GRB10: variants seen among roughly 807,000 people sequenced by gnomAD.
GRB10 encodes the protein growth factor receptor-bound protein 10.
GRB10 carries 20 observed loss-of-function variants against 80.9 expected under a neutral mutation model. That is an observed-to-expected ratio of 0.25 (90% CI 0.17 to 0.36). The LOEUF (loss-of-function observed/expected upper bound fraction) is 0.36, where lower values mean the gene tolerates loss of function less well. Ranked by LOEUF, GRB10 falls within the 10% of genes least tolerant of loss-of-function variation. The pLI is 1.00. For synonymous variants in GRB10, 291 were observed against 291.5 expected, an observed-to-expected ratio of 1.00 and a Z score of 0.02; for missense variants, 548 against 747.7, an observed-to-expected ratio of 0.73 and a Z score of 3.12.
chr7:50,734,136 C>T (rs1338724157), intron 3 of GRB10, among the ~76,000 whole-genome samples: 2 of 152,106 alleles, frequency 1.3e-5, no homozygotes, highest in Non-Finnish European at 2.9e-5. Flanking sequence ...CACCCCTAGC[C>T]GTTGAGGTGG....
At chr7:50,710,264 G>T (rs367913619) in intron 4 of GRB10, among the ~76,000 whole-genome samples, 3 of 152,100 alleles carry the variant, frequency 2.0e-5, no homozygotes, top group Admixed American at 6.5e-5. Context: ...CTCACCCCAA[G>T]ATCTTGGGGA....
intron 18 of GRB10, among the ~76,000 whole-genome samples, chr7:50,594,636 A>G (rs2046317479): frequency 6.6e-6 from 1 of 152,248 alleles, no homozygotes; most frequent in Non-Finnish European, 1.5e-5. Context: ...TTATCAATTC[A>G]GCATGTAAAC....
Position 50,645,935 on chromosome 7 carries a change from A to G in GRB10, c.505-18957T>C, listed in dbSNP as rs144576164. ...AAGTCATATGCCTTCCCATCGTATTATAAGTGACATACAGCCCTTGGCATT... is the reference window on the plus strand; with the variant it reads ...AAGTCATATGCCTTCCCATCGTATTGTAAGTGACATACAGCCCTTGGCATT... On this transcript the variant is annotated intron_variant, in intron 7 of 18. Transcript: ENST00000401949. Among the ~76,000 whole-genome samples the G allele has an allele frequency of 6.3e-3, 965 of 152,272 alleles. 6 individuals carry two copies. The highest frequency in any genetic ancestry group is 7.6e-3 in the African/African-American group (317 of 41,546).
At chr7:50,622,379 C>T (rs908107794) in intron 8 of GRB10, among the ~76,000 whole-genome samples, 4 of 152,336 alleles carry the variant, frequency 2.6e-5, no homozygotes, top group African/African-American at 7.2e-5. Context: ...CAGCATCCAA[C>T]AGCGTGGCAG....
chr7:50,616,957 T>C (rs944732341), intron 10 of GRB10, among the ~76,000 whole-genome samples: 2 of 152,358 alleles, frequency 1.3e-5, no homozygotes, highest in African/African-American at 2.4e-5. Context: ...TGGCAGGTCC[T>C]GCTACTAGAC....
rs180904485 is a variant in GRB10 at position 50,689,899 on chromosome 7, A to G, written c.139+13922T>C. On this transcript the variant is annotated intron_variant, in intron 5 of 18. Coordinates refer to ENST00000401949, the MANE Select transcript of GRB10 (RefSeq NM_001350814.2). ...CTTTGGGGATAGAGTTTAAAATTGTATAAGAAAGATAACTCATGCCAAAAT... is the reference window on the plus strand; with the variant it reads ...CTTTGGGGATAGAGTTTAAAATTGTGTAAGAAAGATAACTCATGCCAAAAT... Among the ~76,000 whole-genome samples, 10 of 151,942 alleles carry G rather than the reference A, an allele frequency of 6.6e-5. No homozygotes were observed. The East Asian group carries it at 1.2e-3, about 18-fold the overall frequency.
intron 6 of GRB10, 34 bp from the exon 7 acceptor site, chr7:50,669,897 G>C: frequency 6.3e-7 from 1 of 1,587,280 alleles, no homozygotes; most frequent in South Asian, 1.1e-5. Context: ...GTTAAAAGCT[G>C]CCATTCCCCA....
intron 5 of GRB10, 100 bp downstream of exon 5, chr7:50,703,721 G>A: frequency 1.2e-6 from 1 of 821,172 alleles, no homozygotes; most frequent in Non-Finnish European, 2.1e-6. Context: ...TGTTAGAATT[G>A]TAATCTATTA....
In GRB10 at chr7:50,703,897, C is replaced by T; in HGVS notation, c.63G>A (p.Glu21=). 1 of 1,612,966 alleles carries T rather than the reference C, an allele frequency of 6.2e-7. No homozygotes were observed. Among genetic ancestry groups the T allele is most frequent in the Non-Finnish European group, 8.5e-7 (1 of 1,179,184 alleles). The part of the protein sequence containing the change: ...LHHPYYQDKV[E]QTPRSQQDPA... ...GGTCTTGTTGACTGCGAGGTGTCTGCTCCACCTTGTCCTAAAAAAACAGGA... is the reference window on the plus strand; with the variant it reads ...GGTCTTGTTGACTGCGAGGTGTCTGTTCCACCTTGTCCTAAAAAAACAGGA... The change falls in exon 5 of 19, where the codon GAG becomes GAA. Residue 21 remains glutamate (E), a synonymous_variant. Coordinates refer to ENST00000401949, the MANE Select transcript of GRB10 (RefSeq NM_001350814.2).
In GRB10 at chr7:50,612,794, C is replaced by G; in HGVS notation, c.1141G>C (p.Ala381Pro). The G allele has an allele frequency of 6.2e-7, 1 of 1,614,068 alleles. No homozygotes were observed. The highest frequency in any genetic ancestry group is 8.5e-7 in the Non-Finnish European group (1 of 1,179,950). The change falls in exon 13 of 19, where the codon GCA becomes CCA. Residue 381 changes from alanine to proline, a missense_variant. Coordinates refer to ENST00000401949, the MANE Select transcript of GRB10 (RefSeq NM_001350814.2). ...CACGTCCTGGTTTGCTCGTCCTCTG[C>G]ACAGAGCAACCTCAGCTCTTTAGTT... ...NETKELRLLC[A>P]EDEQTRTCWM...
intron 17 of GRB10, among the ~76,000 whole-genome samples, chr7:50,601,154 TA>T (rs1200430840): frequency 7.2e-5 from 11 of 152,220 alleles, no homozygotes; most frequent in Non-Finnish European, 1.5e-4. Context: ...TACATTTGCT[TA>T]ACGAGAGGCA....
At chr7:50,707,189 T>C (rs1011029741) in intron 4 of GRB10, among the ~76,000 whole-genome samples, 2 of 152,352 alleles carry the variant, frequency 1.3e-5, no homozygotes, top group Non-Finnish European at 1.5e-5. Context: ...TGATTCCTCT[T>C]CTGACTTGAT....
intron 17 of GRB10, 74 bp downstream of exon 17, chr7:50,603,924 G>A: frequency 8.5e-7 from 1 of 1,183,052 alleles, no homozygotes; most frequent in Non-Finnish European, 1.3e-6. Context: ...GATGTCTGAG[G>A]AATTAAACAG....
intron 18 of GRB10, among the ~76,000 whole-genome samples, chr7:50,594,974 G>A (rs1398810259): frequency 6.6e-6 from 1 of 152,162 alleles, no homozygotes; most frequent in Non-Finnish European, 1.5e-5. Context: ...AGACTCCTCA[G>A]ACTCCAGCAG....
chr7:50,612,837 T>G lies in GRB10; in HGVS notation c.1098A>C (p.Pro366=). ...APTDHGLCIK[P]NKVRNETKEL... ...CTTTAGTTTCATTCCTGACTTTGTT[T>G]GGCTACAGGAGGTAAAAGAAAGTCC... The change falls in exon 13 of 19, where the codon CCA becomes CCC. Residue 366 remains proline (P), a splice_region_variant and synonymous_variant. Coordinates refer to ENST00000401949, the MANE Select transcript of GRB10 (RefSeq NM_001350814.2). 6.2e-7 allele frequency: 1 copy of G among 1,611,786 alleles called. No homozygotes were observed. Among genetic ancestry groups the G allele is most frequent in the East Asian group, 2.2e-5 (1 of 44,870 alleles).
At chr7:50,608,130 A>G (rs1275019530) in intron 13 of GRB10, among the ~76,000 whole-genome samples, 2 of 152,264 alleles carry the variant, frequency 1.3e-5, no homozygotes, top group African/African-American at 4.8e-5. Flanking sequence ...GTCAAGCTAC[A>G]GATTCAGGGT....
intron 13 of GRB10, among the ~76,000 whole-genome samples, chr7:50,611,294 C>T (rs2049486193): frequency 6.6e-6 from 1 of 152,224 alleles, no homozygotes; most frequent in Admixed American, 6.5e-5. Context: ...CGCAACAGGA[C>T]ACAAAGAGCA....
upstream of GRB10, among the ~76,000 whole-genome samples, chr7:50,783,317 G>A (rs904175705): frequency 6.6e-6 from 1 of 152,132 alleles, no homozygotes; most frequent in Non-Finnish European, 1.5e-5. Context: ...ACTGAACAAC[G>A]AGGACAAAGT....
intron 4 of GRB10, among the ~76,000 whole-genome samples, chr7:50,706,353 TA>T (rs1415048694): frequency 1.3e-5 from 2 of 152,230 alleles, no homozygotes; most frequent in Non-Finnish European, 2.9e-5. Context: ...AATGATCAAA[TA>T]AACACCTTCG....
Sources: gnomAD v4.1 joint callset for allele counts (sites outside exome capture counted in the v4.1 genomes callset) on GRCh38, gnomAD v4.1.1 for gene constraint, MANE v1.5 for transcripts, NCBI Gene and HGNC (gene_info 2026-07-23, HGNC 2026-07-21) for gene names.